Variants in RYR1 observed in about 807,000 individuals in gnomAD.
The protein encoded by RYR1 is central core disease of muscle.
A neutral mutation model predicts 583.5 loss-of-function variants in RYR1; 342 were observed. The observed-to-expected ratio is 0.59, with a 90% CI of 0.54 to 0.64. RYR1 has a LOEUF of 0.64. Ranked by LOEUF, RYR1 falls within the 30% of genes least tolerant of loss-of-function variation. RYR1 has a pLI of 0.00. For synonymous variants in RYR1, 2,791 were observed against 2,822.5 expected (o/e 0.99, Z 0.35); for missense variants, 6,032 against 6,917.2 (o/e 0.87, Z 4.54).
At chr19:38,535,642 G>A in intron 81 of RYR1, 2 of 603,350 alleles carry the variant, frequency 3.3e-6, no homozygotes, top group Non-Finnish European at 2.9e-6. Flanking sequence ...GAGAATTTAA[G>A]GGGAACTTGG....
At position 38,455,559 on chromosome 19, in the gene RYR1, G is replaced by C. The variant is rs750623971; in HGVS notation, c.1672+13G>C. ...GAGGCCTCGTCTGGTAGGAGAACCC[G>C]GGGGAGTGGGACAGAGGCTTGTGGG... On this transcript the variant is annotated intron_variant, in intron 15 of 105. Transcript: ENST00000359596. The C allele has an allele frequency of 5.0e-6, 8 of 1,613,484 alleles. No individual in the cohort carries two copies. Among genetic ancestry groups the C allele is most frequent in the South Asian group, 1.1e-5 (1 of 91,066 alleles).
intron 3 of RYR1, among the ~76,000 whole-genome samples, chr19:38,442,926 C>A (rs1484324320): frequency 2.6e-5 from 4 of 152,182 alleles, no homozygotes; most frequent in South Asian, 2.1e-4. Flanking sequence ...TCCCTCTGGT[C>A]CAGGAGTGGG....
At chr19:38,467,893 G>C in intron 25 of RYR1, 81 bp downstream of exon 25, 3 of 1,380,364 alleles carry the variant, frequency 2.2e-6, no homozygotes, top group Non-Finnish European at 3.0e-6. Context: ...GCCTCTGTCT[G>C]TGCCTCACTC....
In RYR1 at chr19:38,534,168, C is replaced by T. The variant is rs547366013; in HGVS notation, c.11260-552C>T. On this transcript the variant is annotated intron_variant, in intron 78 of 105. Transcript: ENST00000359596. ...CTAGGACTACAGGCTCATGCCACCA[C>T]GCCTGGCTAATTTTTTGTATTTTTA... Among the ~76,000 whole-genome samples the T allele has an allele frequency of 4.6e-5, 7 of 152,028 alleles. No individual in the cohort carries two copies. The East Asian group carries it at 9.7e-4, about 21-fold the overall frequency.
At chr19:38,542,425 T>A (rs1403124326) in intron 84 of RYR1, among the ~76,000 whole-genome samples, 1 of 152,188 alleles carries the variant, frequency 6.6e-6, no homozygotes, top group East Asian at 1.9e-4. Context: ...GTGGTCAATA[T>A]ACAAATTTGT....
rs1366028042 is a variant in RYR1, at chr19:38,458,276, A to G, written c.2151A>G (p.Gly717=). The change falls in exon 18 of 106, where the codon GGA becomes GGG. Residue 717 remains glycine (G), a synonymous_variant. Coordinates refer to ENST00000359596, the MANE Select transcript of RYR1 (RefSeq NM_000540.3). ...GDDLYSYGFD[G]LHLWTGHVAR... ...ACCTCTATTCCTACGGCTTTGATGG[A>G]CTGCATCTCTGGACAGGTACCTGAC... 1.9e-6 allele frequency: 3 copies of G among 1,613,702 alleles called. No homozygotes were observed. The highest frequency in any genetic ancestry group is 2.5e-6 in the Non-Finnish European group (3 of 1,179,980).
intron 66 of RYR1, among the ~76,000 whole-genome samples, chr19:38,518,401 TAAAAAAAAAAAA>T (rs10714494): frequency 8.8e-6 from 1 of 113,794 alleles, no homozygotes; most frequent in African/African-American, 3.3e-5. Context: ...CTCTATTATT[TAAAAAAAAAAAA>T]AAAAAAAAAA....
At chr19:38,448,912 C>G in intron 11 of RYR1, 99 bp downstream of exon 11, 1 of 1,184,322 alleles carries the variant, frequency 8.4e-7, no homozygotes, top group Non-Finnish European at 1.2e-6. Context: ...CCACTGTACT[C>G]CAGCCTGGGT....
intron 37 of RYR1, among the ~76,000 whole-genome samples, chr19:38,491,729 C>T (rs1243815596): frequency 6.6e-6 from 1 of 152,078 alleles, no homozygotes; most frequent in African/African-American, 2.4e-5. Context: ...GCACCTGGCC[C>T]ATTTTTCTTC....
chr19:38,552,688 T>C (rs1972715107), intron 89 of RYR1, among the ~76,000 whole-genome samples: 1 of 152,236 alleles, frequency 6.6e-6, no homozygotes, highest in Non-Finnish European at 1.5e-5. Flanking sequence ...CAGAGTACAC[T>C]GCCTTCAGAT....
intron 10 of RYR1, 62 bp from the exon 11 acceptor site, chr19:38,448,586 AG>A (rs1293846644): frequency 1.2e-6 from 2 of 1,613,968 alleles, no homozygotes; most frequent in African/African-American, 1.3e-5. Context: ...GCAGTCCCTC[AG>A]GGGGGCTCCC....
At position 38,455,481 on chromosome 19, in the gene RYR1, G is replaced by A. The variant is rs1600675583; in HGVS notation, c.1607G>A (p.Cys536Tyr). The stretch of plus-strand genomic sequence containing the variant: ...CTAATCCGTGGCAATCGTAGCAACT[G>A]TGCCCTCTTCTCCACAAACTTGGAC... Reference protein sequence around the residue: ...ASLIRGNRSNCALFSTNLDWL... With the variant: ...ASLIRGNRSNYALFSTNLDWL... Residue 536 changes from cysteine to tyrosine, a missense_variant, in exon 15 of 106, where the codon TGT (cysteine) becomes TAT (tyrosine). Cys to Tyr is a radical substitution (Grantham distance 194, BLOSUM62 -2). This residue lies in a region of RYR1 where 2,627 missense variants were observed against 2,961.3 expected (regional missense o/e 0.89). Coordinates refer to ENST00000359596, the MANE Select transcript of RYR1 (RefSeq NM_000540.3). 6.2e-7 allele frequency: 1 copy of A among 1,614,122 alleles called. No homozygotes were observed. Among genetic ancestry groups the A allele is most frequent in the Non-Finnish European group, 8.5e-7 (1 of 1,180,022 alleles).
intron 96 of RYR1, 43 bp downstream of exon 96, chr19:38,573,350 C>T (rs1165392325): frequency 6.2e-7 from 1 of 1,605,348 alleles, no homozygotes; most frequent in Admixed American, 1.7e-5. Context: ...CAGGAGGGGA[C>T]CTGGGTTTCC....
chr19:38,537,939 C>A lies in RYR1; in HGVS notation c.11668C>A (p.Leu3890Ile), dbSNP rs779991914. The A allele has an allele frequency of 8.1e-6, 13 of 1,613,484 alleles. No homozygotes were observed. In the Admixed American group the frequency reaches 2.0e-4, roughly 25 times the overall value. Reference sequence around the variant, plus strand: ...AGACCTGTTCCGATTCCTACAATTGCTCTGTGAGGGGCACAATAATGGTGA... The same window carrying A: ...AGACCTGTTCCGATTCCTACAATTGATCTGTGAGGGGCACAATAATGGTGA... The part of the protein sequence containing the change: ...TQDLFRFLQL[L>I]CEGHNNDFQN... Residue 3890 changes from leucine to isoleucine, a missense_variant, in exon 84 of 106, where the codon CTC becomes ATC. Physicochemically the swap from Leu to Ile is conservative, Grantham distance 5. Transcript: ENST00000359596.
At chr19:38,435,392 T>A (rs1163829024) in intron 1 of RYR1, among the ~76,000 whole-genome samples, 1 of 152,154 alleles carries the variant, frequency 6.6e-6, no homozygotes, top group Non-Finnish European at 1.5e-5. Context: ...CACCCCAGAC[T>A]GGGTCAGTTT....
intron 51 of RYR1, 23 bp from the exon 52 acceptor site, chr19:38,504,980 T>G: frequency 6.2e-7 from 1 of 1,614,116 alleles, no homozygotes; most frequent in Non-Finnish European, 8.5e-7. Flanking sequence ...CTCCAACATC[T>G]GCTGACCCTG....
intron 31 of RYR1, 68 bp from the exon 32 acceptor site, chr19:38,482,959 T>G: frequency 9.4e-6 from 13 of 1,375,682 alleles, no homozygotes; most frequent in Non-Finnish European, 1.2e-5. Flanking sequence ...CCCCAGAGTT[T>G]GAGGTCCAGA....
At chr19:38,515,148 G>T in intron 64 of RYR1, 41 bp downstream of exon 64, 50 of 1,181,610 alleles carry the variant, frequency 4.2e-5, no homozygotes, top group Non-Finnish European at 5.6e-5. Context: ...GGTGGGGCTG[G>T]AGGGGAAGGG....
intron 31 of RYR1, among the ~76,000 whole-genome samples, chr19:38,482,602 C>T (rs900193863): frequency 3.9e-5 from 6 of 151,982 alleles, no homozygotes; most frequent in South Asian, 2.1e-4. Flanking sequence ...AGATATGGAC[C>T]GCCATGCCTC....
Sources: allele counts gnomAD v4.1 joint callset (sites outside exome capture counted in the v4.1 genomes callset), GRCh38; gene constraint gnomAD v4.1.1; regional missense constraint gnomAD v4.1.1; transcripts MANE v1.5; gene names NCBI Gene and HGNC (gene_info 2026-07-23, HGNC 2026-07-21).